The following CNTNAP2 variants were observed in gnomAD, a reference collection of about 807,000 sequenced individuals.
CNTNAP2 encodes contactin associated protein 2, also known as contactin-associated protein-like 2.
CNTNAP2 carries 98 observed loss-of-function variants against 155.2 expected under a neutral mutation model. That is an observed-to-expected ratio of 0.63 (90% confidence interval 0.54 to 0.75). CNTNAP2 has a LOEUF of 0.75. CNTNAP2 is among the 30% of genes least tolerant of loss of function. CNTNAP2 has a pLI of 0.00. For missense variants in CNTNAP2, 1,727 were observed against 1,688.1 expected, an observed-to-expected ratio of 1.02 and a Z score of -0.40; for synonymous variants, 651 against 631.2, an observed-to-expected ratio of 1.03 and a Z score of -0.47.
intron 1 of CNTNAP2, among the ~76,000 whole-genome samples, chr7:146,749,203 A>C (rs1801861918): frequency 6.6e-6 from 1 of 152,168 alleles, no homozygotes; most frequent in African/African-American, 2.4e-5. Context: ...CTATACATAT[A>C]TGTGTATGTA....
At chr7:147,688,261 A>G (rs1208496849) in intron 13 of CNTNAP2, among the ~76,000 whole-genome samples, 1 of 152,206 alleles carries the variant, frequency 6.6e-6, no homozygotes, top group African/African-American at 2.4e-5. Context: ...GTTATTAAAG[A>G]ACAAAATGTC....
chr7:146,194,390 C>A (rs1280991785), intron 1 of CNTNAP2, among the ~76,000 whole-genome samples: 1 of 152,178 alleles, frequency 6.6e-6, no homozygotes, highest in East Asian at 1.9e-4. Flanking sequence ...TCATGTCTTA[C>A]ATGGTTGCAG....
At chr7:147,790,767 G>A (rs941739388) in intron 13 of CNTNAP2, among the ~76,000 whole-genome samples, 3 of 152,192 alleles carry the variant, frequency 2.0e-5, no homozygotes, top group Admixed American at 1.3e-4. Flanking sequence ...GTTAAAGTCC[G>A]AGAACACTTG....
intron 15 of CNTNAP2, among the ~76,000 whole-genome samples, chr7:148,061,362 T>C (rs1408838528): frequency 6.6e-6 from 1 of 152,134 alleles, no homozygotes; most frequent in African/African-American, 2.4e-5. Flanking sequence ...TTTTTTATTA[T>C]TTATTTTTTG....
intron 13 of CNTNAP2, among the ~76,000 whole-genome samples, chr7:147,723,728 T>G (rs1796601636): frequency 6.6e-6 from 1 of 152,074 alleles, no homozygotes; most frequent in African/African-American, 2.4e-5. Flanking sequence ...TCATTCAGTC[T>G]TCGCTACTCA....
chr7:147,968,240 A>C (rs1213512303), intron 14 of CNTNAP2, among the ~76,000 whole-genome samples: 4 of 152,246 alleles, frequency 2.6e-5, no homozygotes, highest in Non-Finnish European at 5.9e-5. Flanking sequence ...AATGGTTACA[A>C]GGGCTTTCTA....
At chr7:147,879,235 T>G (rs562070939) in intron 13 of CNTNAP2, among the ~76,000 whole-genome samples, 1 of 152,290 alleles carries the variant, frequency 6.6e-6, no homozygotes, top group South Asian at 2.1e-4. Context: ...TGATTCCATG[T>G]GAAATAAGGC....
At chr7:147,375,437 C>A (rs1372622032) in intron 9 of CNTNAP2, among the ~76,000 whole-genome samples, 6 of 152,086 alleles carry the variant, frequency 3.9e-5, no homozygotes, top group South Asian at 2.1e-4. Context: ...ACACACCCTT[C>A]CCCACCAAAA....
At chr7:146,875,937 A>G (rs1795414911) in intron 3 of CNTNAP2, among the ~76,000 whole-genome samples, 1 of 25,024 alleles carries the variant, frequency 4.0e-5, no homozygotes, top group Admixed American at 5.4e-4. Context: ...TACACAGCAA[A>G]AAAAAAAAAA....
chr7:147,819,132 C>G (rs1481536400), intron 13 of CNTNAP2, among the ~76,000 whole-genome samples: 1 of 152,092 alleles, frequency 6.6e-6, no homozygotes, highest in African/African-American at 2.4e-5. Flanking sequence ...ACTTAAAGAT[C>G]ACCATAGAAT....
chr7:146,916,962 G>C (rs1259799179), intron 3 of CNTNAP2, among the ~76,000 whole-genome samples: 2 of 152,060 alleles, frequency 1.3e-5, no homozygotes, highest in Non-Finnish European at 1.5e-5. Context: ...ATAATGCTAT[G>C]AATTTCCCTC....
intron 1 of CNTNAP2, among the ~76,000 whole-genome samples, chr7:146,194,820 T>TG (rs1368125909): frequency 6.6e-6 from 1 of 152,176 alleles, no homozygotes; most frequent in Non-Finnish European, 1.5e-5. Context: ...TCTGAGACAA[T>TG]GTTTTCTATA....
intron 8 of CNTNAP2, among the ~76,000 whole-genome samples, chr7:147,159,351 T>TA (rs1285951794): frequency 4.6e-5 from 7 of 152,228 alleles, no homozygotes; most frequent in Admixed American, 3.9e-4. Context: ...TTTTAATTTT[T>TA]AAAAGATAAT....
rs554521484 is a variant in CNTNAP2 at position 147,868,345 on chromosome 7, A to G, written c.2099-35220A>G. Among the ~76,000 whole-genome samples, 14 of 152,242 alleles carry G rather than the reference A, an allele frequency of 9.2e-5. No homozygotes were observed. In the East Asian group the frequency reaches 2.1e-3, roughly 23 times the overall value. The stretch of plus-strand genomic sequence containing the variant: ...GCATGATCCTTCCTCTGGGAGCTTC[A>G]TCCCAGAGGGGTGCCTGCCTATATG... On this transcript the variant is annotated intron_variant, in intron 13 of 23. Coordinates refer to ENST00000361727, the MANE Select transcript of CNTNAP2 (RefSeq NM_014141.6).
At chr7:147,939,652 C>G (rs557529027) in intron 14 of CNTNAP2, among the ~76,000 whole-genome samples, 3 of 152,078 alleles carry the variant, frequency 2.0e-5, no homozygotes, top group Admixed American at 6.6e-5. Context: ...TGGTCACAAG[C>G]CTGTAGTTCT....
At chr7:147,047,506 T>C (rs1412518614) in intron 4 of CNTNAP2, among the ~76,000 whole-genome samples, 1 of 152,158 alleles carries the variant, frequency 6.6e-6, no homozygotes, top group Non-Finnish European at 1.5e-5. Flanking sequence ...ATCATCTATA[T>C]AGCAATCATC....
intron 1 of CNTNAP2, among the ~76,000 whole-genome samples, chr7:146,316,525 A>G (rs1800908197): frequency 1.3e-5 from 2 of 152,010 alleles, no homozygotes; most frequent in East Asian, 3.9e-4. Flanking sequence ...GAGAATTAGG[A>G]CCCCGGGGGT....
chr7:146,239,546 C>G (rs1799526729), intron 1 of CNTNAP2, among the ~76,000 whole-genome samples: 1 of 152,208 alleles, frequency 6.6e-6, no homozygotes, highest in African/African-American at 2.4e-5. Context: ...GACACTGTTT[C>G]AATCTTCTCA....
At chr7:147,537,032 T>C (rs1799553837) in intron 11 of CNTNAP2, among the ~76,000 whole-genome samples, 1 of 152,202 alleles carries the variant, frequency 6.6e-6, no homozygotes, top group Non-Finnish European at 1.5e-5. Context: ...GTTTCCTGCC[T>C]GCTCTATTCC....
Sources: allele counts gnomAD v4.1 joint callset (sites outside exome capture counted in the v4.1 genomes callset), GRCh38; gene constraint gnomAD v4.1.1; transcripts MANE v1.5; gene names NCBI Gene and HGNC (gene_info 2026-07-23, HGNC 2026-07-21).